HRH1: variants seen among roughly 807,000 people sequenced by gnomAD.
HRH1 encodes histamine H1 receptor.
HRH1 carries 6 observed loss-of-function variants against 10.3 expected under a neutral mutation model. The ratio of observed to expected loss-of-function variants is 0.58; its 90% confidence interval spans 0.32 to 1.15. The LOEUF is 1.15. Ranked by LOEUF, HRH1 falls within the 50% of genes most tolerant of loss-of-function variation. The pLI is 0.05. For synonymous variants in HRH1, 242 were observed against 236.7 expected (o/e 1.02, Z -0.21); for missense variants, 514 against 615.3 (o/e 0.84, Z 1.74).
Position 11,181,662 on chromosome 3 carries a change from C to T in HRH1, c.-36+27108C>T, listed in dbSNP as rs184681790. Among the ~76,000 whole-genome samples, 738 of 129,836 alleles carry T rather than the reference C, an allele frequency of 5.7e-3. 5 individuals are homozygous for T. Among genetic ancestry groups the T allele is most frequent in the African/African-American group, 0.022 (691 of 32,116 alleles). The allele number at this position is 129,836 out of a possible 152,430, so 85.2% of individuals were successfully genotyped here. A position where few individuals can be genotyped will look rare whatever the true frequency, so the allele number is the denominator to read the frequency against. On this transcript the variant is annotated intron_variant, in intron 1 of 1. Transcript: ENST00000431010. ...TTTTTTTTTTTTTGAGACGGAGTCT[C>T]GCTCCGTCGCCCAGGCTGGAGCGCA...
At position 11,138,302 on chromosome 3, in the gene HRH1, G is replaced by A. The variant is rs28400399; in HGVS notation, c.-36+903G>A. ...CTCCCAAAGTGCTAGGATTACAGGC[G>A]TGAGCCACCGCGCCCAGCCTAAACA... On this transcript the variant is annotated intron_variant, in intron 1 of 1. Transcript: ENST00000438284. Among the ~76,000 whole-genome samples, 636 of 151,574 alleles carry A rather than the reference G, an allele frequency of 4.2e-3. 3 individuals carry two copies. The highest frequency in any genetic ancestry group is 0.015 in the African/African-American group (603 of 41,266).
intron 1 of HRH1, among the ~76,000 whole-genome samples, chr3:11,238,358 G>A (rs1939243082): frequency 6.6e-6 from 1 of 152,070 alleles, no homozygotes; most frequent in Non-Finnish European, 1.5e-5. Flanking sequence ...TCTAAATCTT[G>A]GTTCTGGCTA....
chr3:11,257,967 A>G (rs1225118795), intron 1 of HRH1, among the ~76,000 whole-genome samples: 2 of 152,206 alleles, frequency 1.3e-5, no homozygotes, highest in African/African-American at 4.8e-5. Context: ...GTGAGCCACC[A>G]TTTCCAGCCT....
chr3:11,182,597 G>C (rs1937379079), intron 1 of HRH1, among the ~76,000 whole-genome samples: 1 of 152,172 alleles, frequency 6.6e-6, no homozygotes, highest in Admixed American at 6.5e-5. Context: ...AGCACATCTG[G>C]AATGAGCGCA....
intron 1 of HRH1, among the ~76,000 whole-genome samples, chr3:11,258,332 C>G (rs764535549): frequency 6.6e-6 from 1 of 151,530 alleles, no homozygotes; most frequent in African/African-American, 2.4e-5. Context: ...GAAGAAGATT[C>G]CAGAGTTGGC....
intron 1 of HRH1, among the ~76,000 whole-genome samples, chr3:11,164,435 A>G (rs78943516): frequency 0.017 from 2,642 of 152,312 alleles, 80 homozygotes; most frequent in African/African-American, 0.06. Context: ...CTGTGCACTC[A>G]TCAGGATGTA....
chr3:11,259,971 G>A lies in HRH1; in HGVS notation c.934G>A (p.Ala312Thr), dbSNP rs970832725. The A allele has an allele frequency of 6.2e-7, 1 of 1,614,084 alleles. No individual in the cohort carries two copies. The highest frequency in any genetic ancestry group is 8.5e-7 in the Non-Finnish European group (1 of 1,180,042). ...CFPLDIVHMQ[A>T]AAEGSSRDYV... The stretch of plus-strand genomic sequence containing the variant: ...TCCACTTGATATTGTGCACATGCAG[G>A]CTGCGGCAGAGGGGAGTAGCAGGGA... Residue 312 changes from alanine to threonine, a missense_variant, in exon 2 of 2, where the codon GCT becomes ACT. Transcript: ENST00000431010. The surrounding 1 kb of genome is among the most constrained non-coding windows in gnomAD (Gnocchi z 4.6).
At chr3:11,242,396 G>A (rs1939370365) in intron 1 of HRH1, among the ~76,000 whole-genome samples, 1 of 141,440 alleles carries the variant, frequency 7.1e-6, no homozygotes, top group Non-Finnish European at 1.5e-5. Flanking sequence ...TCAGGAGAAT[G>A]GTGTGAACCT....
chr3:11,208,784 G>A (rs946232855), intron 1 of HRH1, among the ~76,000 whole-genome samples: 11 of 152,176 alleles, frequency 7.2e-5, no homozygotes, highest in African/African-American at 1.2e-4. Flanking sequence ...GACCAGTCCC[G>A]TAATGACTGC....
At chr3:11,235,469 G>A (rs976707996) in intron 1 of HRH1, among the ~76,000 whole-genome samples, 2 of 152,058 alleles carry the variant, frequency 1.3e-5, no homozygotes, top group African/African-American at 2.4e-5. Flanking sequence ...CTTGAAGGGC[G>A]TGGCTTCCTC....
intron 1 of HRH1, among the ~76,000 whole-genome samples, chr3:11,172,283 G>T (rs964374229): frequency 1.3e-5 from 2 of 152,188 alleles, no homozygotes; most frequent in African/African-American, 4.8e-5. Flanking sequence ...GGAGGTGCAG[G>T]GGCCCAAGTG....
chr3:11,169,371 C>A (rs1937110184), intron 1 of HRH1, among the ~76,000 whole-genome samples: 1 of 152,182 alleles, frequency 6.6e-6, no homozygotes. Flanking sequence ...GTAGACGCCT[C>A]ATTGCCAGCT....
At position 11,254,845 on chromosome 3, in the gene HRH1, C is replaced by T. The variant is rs1490119405; in HGVS notation, c.-35-4158C>T. ...TGTGCTAGTCACAATCGCAAGAGCACACCAAGCAGGGTAGGGCAGGGGTTT... is the reference window on the plus strand; with the variant it reads ...TGTGCTAGTCACAATCGCAAGAGCATACCAAGCAGGGTAGGGCAGGGGTTT... On this transcript the variant is annotated intron_variant, in intron 1 of 1. Transcript: ENST00000431010. 3.9e-5 allele frequency among the ~76,000 whole-genome samples: 6 copies of T among 152,218 alleles called. 1 individual carries two copies. The highest frequency in any genetic ancestry group is 3.3e-4 in the Admixed American group (5 of 15,286).
chr3:11,255,126 CAAAG>C (rs1360963129), intron 1 of HRH1, among the ~76,000 whole-genome samples: 1 of 152,136 alleles, frequency 6.6e-6, no homozygotes, highest in Non-Finnish European at 1.5e-5. Context: ...TCTTAAGAAA[CAAAG>C]AACAGAGAAC....
At chr3:11,233,479 T>C (rs1412247767) in intron 1 of HRH1, among the ~76,000 whole-genome samples, 1 of 152,134 alleles carries the variant, frequency 6.6e-6, no homozygotes, top group African/African-American at 2.4e-5. Flanking sequence ...TTAGTTCACG[T>C]TTCCTCTCTT....
At chr3:11,214,792 A>G (rs1467905803) in intron 1 of HRH1, among the ~76,000 whole-genome samples, 1 of 152,218 alleles carries the variant, frequency 6.6e-6, no homozygotes, top group Non-Finnish European at 1.5e-5. Context: ...GTCACATGAC[A>G]TGTCATCCCC....
intron 1 of HRH1, among the ~76,000 whole-genome samples, chr3:11,191,553 G>A (rs897913308): frequency 9.2e-5 from 14 of 152,084 alleles, no homozygotes; most frequent in Non-Finnish European, 1.3e-4. Flanking sequence ...CTGTAATTCC[G>A]AGCAACTGTC....
In HRH1 at chr3:11,262,938, T is replaced by C. The variant is rs200042127; in HGVS notation, c.*2437T>C. Reference sequence around the variant, plus strand: ...ACCATGTGCCAGGCTTTGTGTTTTATCTAATGTTATCTAATGGTATTGGTG... The same window carrying C: ...ACCATGTGCCAGGCTTTGTGTTTTACCTAATGTTATCTAATGGTATTGGTG... On this transcript the variant is annotated 3_prime_UTR_variant, in exon 2 of 2. Coordinates refer to ENST00000431010, the MANE Select transcript of HRH1 (RefSeq NM_001098212.2). The C allele has an allele frequency of 4.0e-4, 67 of 167,088 alleles. No homozygotes were observed. The highest frequency in any genetic ancestry group is 7.8e-4 in the Admixed American group (12 of 15,290). The allele number at this position is 167,088 out of a possible 1,614,324, so 10.4% of individuals were successfully genotyped here. A position where few individuals can be genotyped will look rare whatever the true frequency, so the allele number is the denominator to read the frequency against.
chr3:11,150,889 T>C (rs891681653), upstream of HRH1, among the ~76,000 whole-genome samples: 3 of 152,264 alleles, frequency 2.0e-5, no homozygotes, highest in Non-Finnish European at 4.4e-5. Context: ...AGCCAAGCAC[T>C]GTGCTGAGCA....
Sources: allele counts gnomAD v4.1 joint callset (sites outside exome capture counted in the v4.1 genomes callset), GRCh38; gene constraint gnomAD v4.1.1; non-coding constraint Gnocchi (gnomAD v3.1); transcripts MANE v1.5; gene names NCBI Gene and HGNC (gene_info 2026-07-23, HGNC 2026-07-21).